CPAMD8: variants seen among roughly 807,000 people sequenced by gnomAD.
CPAMD8 encodes the protein C3 and PZP like alpha-2-macroglobulin domain containing 8.
In CPAMD8, 146 loss-of-function variants were observed where a neutral mutation model predicts 224.7. That is an observed-to-expected ratio of 0.65 (90% CI 0.57 to 0.75). The LOEUF (loss-of-function observed/expected upper bound fraction) is 0.75, where lower values mean the gene tolerates loss of function less well. Ranked by LOEUF, CPAMD8 falls within the 30% of genes least tolerant of loss-of-function variation. The probability of loss-of-function intolerance (pLI) is 0.00; values close to 1 mark genes in which losing one functional copy is unlikely to be tolerated. For synonymous variants in CPAMD8, 966 were observed against 1,044.6 expected, an observed-to-expected ratio of 0.92 and a Z score of 1.45; for missense variants, 2,301 against 2,537.5, an observed-to-expected ratio of 0.91 and a Z score of 2.00.
intron 19 of CPAMD8, among the ~76,000 whole-genome samples, chr19:16,954,210 G>T (rs999523980): frequency 6.6e-6 from 1 of 152,050 alleles, no homozygotes; most frequent in Non-Finnish European, 1.5e-5. Context: ...GTGCGTGTCT[G>T]TAGTTCCAGC....
At chr19:17,011,221 C>G (rs886402159) in intron 5 of CPAMD8, among the ~76,000 whole-genome samples, 1 of 151,938 alleles carries the variant, frequency 6.6e-6, no homozygotes, top group African/African-American at 2.4e-5. Context: ...AATTAAGCAA[C>G]AGTCCAGGGC....
chr19:16,982,211 T>C (rs2055539597), intron 13 of CPAMD8, among the ~76,000 whole-genome samples: 1 of 151,964 alleles, frequency 6.6e-6, no homozygotes, highest in African/African-American at 2.4e-5. Context: ...CACAGCAACA[T>C]GGTGAAACCC....
intron 39 of CPAMD8, among the ~76,000 whole-genome samples, chr19:16,897,133 G>T (rs975915786): frequency 3.7e-4 from 20 of 53,520 alleles, no homozygotes; most frequent in South Asian, 1.9e-3. Context: ...CACAAATCCC[G>T]CCCCTCAGCG....
At chr19:16,981,179 C>A (rs969079410) in intron 13 of CPAMD8, among the ~76,000 whole-genome samples, 1 of 151,762 alleles carries the variant, frequency 6.6e-6, no homozygotes, top group Non-Finnish European at 1.5e-5. Context: ...ATAGTGAGAC[C>A]CCCATCTCTA....
At chr19:16,942,546 T>C (rs2053936144) in intron 22 of CPAMD8, among the ~76,000 whole-genome samples, 1 of 152,168 alleles carries the variant, frequency 6.6e-6, no homozygotes, top group African/African-American at 2.4e-5. Context: ...AACGAACTAA[T>C]ACAACAAGGA....
At chr19:16,999,015 A>G (rs1408176221) in intron 10 of CPAMD8, among the ~76,000 whole-genome samples, 20 of 152,216 alleles carry the variant, frequency 1.3e-4, no homozygotes. Context: ...GGAATGAAGC[A>G]TTGATCATGC....
chr19:16,931,409 C>T (rs1301589700), intron 23 of CPAMD8, among the ~76,000 whole-genome samples: 2 of 152,194 alleles, frequency 1.3e-5, no homozygotes, highest in Non-Finnish European at 2.9e-5. Context: ...CTGGCACACA[C>T]CTGCCTATGC....
intron 20 of CPAMD8, among the ~76,000 whole-genome samples, chr19:16,949,396 T>C (rs2054229229): frequency 1.3e-5 from 2 of 152,170 alleles, no homozygotes; most frequent in Non-Finnish European, 2.9e-5. Context: ...GTGTATGCTT[T>C]CTTTTGGAAA....
rs1351720088 is a variant in CPAMD8, at chr19:16,914,638, G to A, written c.3786+19C>T. Reference sequence around the variant, plus strand: ...GAGGAGGTGAGGGGCCCGGGAAGGAGGCTCAAGGGGCCACTCACCTGGATG... The same window carrying A: ...GAGGAGGTGAGGGGCCCGGGAAGGAAGCTCAAGGGGCCACTCACCTGGATG... On this transcript the variant is annotated intron_variant, in intron 28 of 41. Transcript: ENST00000443236. The A allele has an allele frequency of 1.2e-6, 2 of 1,613,784 alleles. No homozygotes were observed. The highest frequency in any genetic ancestry group is 1.7e-5 in the Admixed American group (1 of 60,016).
intron 23 of CPAMD8, among the ~76,000 whole-genome samples, chr19:16,933,428 A>G (rs1445802242): frequency 2.0e-5 from 3 of 152,206 alleles, no homozygotes; most frequent in African/African-American, 7.2e-5. Flanking sequence ...ATTTTTGCAA[A>G]GCATTTATCT....
At position 16,904,369 on chromosome 19, in the gene CPAMD8, T is replaced by C; in HGVS notation, c.4115-7A>G. The stretch of plus-strand genomic sequence containing the variant: ...TCCACCTCGGCCGAGACCACTGCAA[T>C]GGAAGAGGCCCACTGGGGACTTTTG... On this transcript the variant is annotated splice_polypyrimidine_tract_variant and splice_region_variant and intron_variant, in intron 31 of 41. Coordinates refer to ENST00000443236, the MANE Select transcript of CPAMD8 (RefSeq NM_015692.5). The C allele has an allele frequency of 6.2e-7, 1 of 1,613,732 alleles. No homozygotes were observed. Among genetic ancestry groups the C allele is most frequent in the Non-Finnish European group, 8.5e-7 (1 of 1,179,966 alleles).
At chr19:16,979,269 G>GCCATCCATCCATCCAT (rs149849849) in intron 14 of CPAMD8, among the ~76,000 whole-genome samples, 6,005 of 144,940 alleles carry the variant, frequency 0.041, 241 homozygotes, top group African/African-American at 0.1. Flanking sequence ...CCACCCATTA[G>GCCATCCATCCATCCAT]CCATCCATCC....
chr19:17,008,191 A>C (rs1028620501), intron 7 of CPAMD8, among the ~76,000 whole-genome samples: 1 of 152,162 alleles, frequency 6.6e-6, no homozygotes, highest in Non-Finnish European at 1.5e-5. Flanking sequence ...ACAAGGTGAG[A>C]GCAGGTGCCC....
At chr19:16,950,515 G>A (rs1041473943) in intron 20 of CPAMD8, among the ~76,000 whole-genome samples, 10 of 152,004 alleles carry the variant, frequency 6.6e-5, no homozygotes, top group African/African-American at 1.7e-4. Context: ...GGGGCCAAAT[G>A]CAGTGGCTCA....
chr19:17,018,729 C>T (rs1447479781), intron 3 of CPAMD8, among the ~76,000 whole-genome samples: 1 of 143,816 alleles, frequency 7.0e-6, no homozygotes, highest in African/African-American at 2.9e-5. Flanking sequence ...CACACACACA[C>T]ACACACACAC....
At chr19:16,958,082 T>C (rs990071153) in intron 18 of CPAMD8, among the ~76,000 whole-genome samples, 167 bp from the exon 19 acceptor site, 1 of 151,980 alleles carries the variant, frequency 6.6e-6, no homozygotes, top group Non-Finnish European at 1.5e-5. Flanking sequence ...TTCTCTTACC[T>C]GGCAGGGTTA....
At position 16,899,106 on chromosome 19, in the gene CPAMD8, A is replaced by T. The variant is rs1331543564; in HGVS notation, c.4848+369T>A. ...TGGCTAATTTTTGTGTTTTTTGTAG[A>T]GACAGGGTTCTGTCATGTTGGCCAG... On this transcript the variant is annotated intron_variant, in intron 37 of 41. Transcript: ENST00000443236. This position sits in a 1 kb window ranked among gnomAD's most constrained non-coding sequence, Gnocchi z 5.4. Among the ~76,000 whole-genome samples, 2 of 152,106 alleles carry T rather than the reference A, an allele frequency of 1.3e-5. No individual in the cohort carries two copies. Among genetic ancestry groups the T allele is most frequent in the African/African-American group, 4.8e-5 (2 of 41,424 alleles).
intron 1 of CPAMD8, among the ~76,000 whole-genome samples, chr19:17,024,991 G>T (rs559771864): frequency 6.6e-6 from 1 of 152,352 alleles, no homozygotes; most frequent in Admixed American, 6.5e-5. Flanking sequence ...TGGAATCCCA[G>T]GTCGGTCATT....
chr19:17,022,328 C>A (rs1224910723), intron 1 of CPAMD8, 147 bp from the exon 2 acceptor site: 2 of 845,982 alleles, frequency 2.4e-6, no homozygotes, highest in Admixed American at 2.7e-5. Context: ...GAGTCTGTGC[C>A]CCCCCATCAG....
Sources: allele counts gnomAD v4.1 joint callset (sites outside exome capture counted in the v4.1 genomes callset), GRCh38; gene constraint gnomAD v4.1.1; non-coding constraint Gnocchi (gnomAD v3.1); transcripts MANE v1.5; gene names NCBI Gene and HGNC (gene_info 2026-07-23, HGNC 2026-07-21).